SHISA6: variants seen among roughly 807,000 people sequenced by gnomAD.
SHISA6 encodes the protein shisa family member 6, also known as protein shisa-6.
SHISA6 carries 22 observed loss-of-function variants against 47.9 expected under a neutral mutation model. The ratio of observed to expected loss-of-function variants is 0.46; its 90% confidence interval spans 0.33 to 0.66. The LOEUF (loss-of-function observed/expected upper bound fraction) is 0.66. Among genes scored for constraint, SHISA6 ranks in the 30% least tolerant of loss-of-function variants. The pLI is 0.02. For missense variants in SHISA6, 680 were observed against 764.6 expected (o/e 0.89, Z 1.30); for synonymous variants, 388 against 337.8 (o/e 1.15, Z -1.63).
In SHISA6 at chr17:11,521,308, G is replaced by C. The variant is rs562915997; in HGVS notation, c.896-30588G>C. ...TTTAGTAAAATGTAGTATGTATTTGGTATCTTTTTCATAAATTCCCAATAT... is the reference window on the plus strand; with the variant it reads ...TTTAGTAAAATGTAGTATGTATTTGCTATCTTTTTCATAAATTCCCAATAT... On this transcript the variant is annotated intron_variant, in intron 3 of 5. Coordinates refer to ENST00000441885, the MANE Select transcript of SHISA6 (RefSeq NM_207386.4). 1.2e-3 allele frequency among the ~76,000 whole-genome samples: 190 copies of C among 152,178 alleles called. 1 individual carries two copies. The Middle Eastern group carries it at 0.021, about 16-fold the overall frequency.
At chr17:11,544,244 C>T (rs1244682272) in intron 3 of SHISA6, among the ~76,000 whole-genome samples, 1 of 151,992 alleles carries the variant, frequency 6.6e-6, no homozygotes, top group Non-Finnish European at 1.5e-5. Context: ...AACATTTGCT[C>T]TGCAAAAGAC....
At chr17:11,513,457 C>G (rs2071558366) in intron 3 of SHISA6, among the ~76,000 whole-genome samples, 1 of 152,136 alleles carries the variant, frequency 6.6e-6, no homozygotes, top group African/African-American at 2.4e-5. Context: ...CTATGAATTT[C>G]TGTGGAGAAA....
At chr17:11,268,618 C>T (rs371069247) in intron 2 of SHISA6, among the ~76,000 whole-genome samples, 2 of 152,188 alleles carry the variant, frequency 1.3e-5, no homozygotes, top group Admixed American at 6.5e-5. Context: ...TTACCATCTC[C>T]GGCTTTACTT....
chr17:11,255,170 C>T (rs1284462098), intron 1 of SHISA6, among the ~76,000 whole-genome samples: 1 of 152,206 alleles, frequency 6.6e-6, no homozygotes, highest in Non-Finnish European at 1.5e-5. Flanking sequence ...AGAAATATAA[C>T]TGAATGACAG....
chr17:11,301,724 AT>A (rs556924397), intron 2 of SHISA6, among the ~76,000 whole-genome samples: 23 of 152,138 alleles, frequency 1.5e-4, no homozygotes, highest in Non-Finnish European at 3.1e-4. Flanking sequence ...AGTCAATGTC[AT>A]GCCGGTAGAA....
At position 11,267,939 on chromosome 17, in the gene SHISA6, CCT is replaced by C. The variant is rs571329721; in HGVS notation, c.799+4414_799+4415del. ...TGCACCGTACCTAGCGTTGCAGTTC[CCT>C]GAGTCCAGCACCTTAGAGGCTTGCT... On this transcript the variant is annotated intron_variant, in intron 2 of 5. Transcript: ENST00000441885. Among the ~76,000 whole-genome samples, 371 of 152,202 alleles carry C rather than the reference CCT, an allele frequency of 2.4e-3. 2 individuals are homozygous for C. Among genetic ancestry groups the C allele is most frequent in the Middle Eastern group, 6.8e-3 (2 of 294 alleles).
rs554264092 is a variant in SHISA6, at chr17:11,429,870, A to C, written c.895+50361A>C. ...TCCCTCATAGGAATTGAAAAAAAAA[A>C]AAACAATAAACTTTAAACTTTATCT... On this transcript the variant is annotated intron_variant, in intron 3 of 5. Transcript: ENST00000441885. 1.3e-4 allele frequency among the ~76,000 whole-genome samples: 20 copies of C among 152,200 alleles called. No homozygotes were observed. In the South Asian group the frequency reaches 4.1e-3, roughly 32 times the overall value.
intron 3 of SHISA6, among the ~76,000 whole-genome samples, chr17:11,430,216 T>G (rs776639108): frequency 7.9e-5 from 12 of 152,210 alleles, no homozygotes; most frequent in Non-Finnish European, 1.5e-4. Context: ...TTGTTGAACG[T>G]TTCTGGTTCT....
intron 3 of SHISA6, among the ~76,000 whole-genome samples, chr17:11,481,364 G>A (rs201153299): frequency 0.12 from 15,624 of 133,404 alleles, 1,499 homozygotes; most frequent in African/African-American, 0.27. Flanking sequence ...GTGTGTGTGT[G>A]TGTATATATA....
rs533308603 is a variant in SHISA6 at position 11,344,294 on chromosome 17, G to C, written c.800-35120G>C. On this transcript the variant is annotated intron_variant, in intron 2 of 5. Transcript: ENST00000441885. Reference sequence around the variant, plus strand: ...AAGTTGTCTTTTAACTTTTCTGATGGTGTCCTTTGAAACAAAAACGTTTAA... The same window carrying C: ...AAGTTGTCTTTTAACTTTTCTGATGCTGTCCTTTGAAACAAAAACGTTTAA... 6.8e-4 allele frequency among the ~76,000 whole-genome samples: 103 copies of C among 152,068 alleles called. 2 individuals carry two copies. The South Asian group carries it at 0.021, about 31-fold the overall frequency.
At chr17:11,361,522 G>C (rs114712958) in intron 2 of SHISA6, among the ~76,000 whole-genome samples, 238 of 152,306 alleles carry the variant, frequency 1.6e-3, no homozygotes, top group African/African-American at 5.2e-3. Flanking sequence ...GTAACTCCAA[G>C]TGAGTGAAAA....
intron 3 of SHISA6, among the ~76,000 whole-genome samples, chr17:11,446,675 C>T (rs1177917085): frequency 6.6e-6 from 1 of 152,164 alleles, no homozygotes; most frequent in East Asian, 1.9e-4. Context: ...ACCTGGGAAA[C>T]CATTCATCCT....
In SHISA6 at chr17:11,563,265, A is replaced by C. The variant is rs1414732720; in HGVS notation, c.*4961A>C. On this transcript the variant is annotated 3_prime_UTR_variant, in exon 6 of 6. Transcript: ENST00000441885. ...ACCCACTCTGGAATATGTGTCCTGA[A>C]GACCAAGTCTGGACACTGAGGCTCC... 6.6e-6 allele frequency: 1 copy of C among 152,226 alleles called. No individual in the cohort carries two copies. Among genetic ancestry groups the C allele is most frequent in the East Asian group, 1.9e-4 (1 of 5,194 alleles). The allele number at this position is 152,226 out of a possible 1,614,324, so 9.4% of individuals were successfully genotyped here.
intron 3 of SHISA6, among the ~76,000 whole-genome samples, chr17:11,464,866 C>A (rs560020466): frequency 3.3e-5 from 5 of 151,558 alleles, no homozygotes; most frequent in East Asian, 3.9e-4. Flanking sequence ...TGCTTGAACC[C>A]AGGAGGCAGA....
Position 11,486,590 on chromosome 17 carries a change from T to C in SHISA6, c.896-65306T>C, listed in dbSNP as rs571993631. On this transcript the variant is annotated intron_variant, in intron 3 of 5. Transcript: ENST00000441885. The stretch of plus-strand genomic sequence containing the variant: ...AATGGGCGGTCAGAGACTTCAGCCC[T>C]GCGTTGGGCTGTGCATGTTATCCTT... 7.9e-5 allele frequency among the ~76,000 whole-genome samples: 12 copies of C among 152,316 alleles called. No homozygotes were observed. The East Asian group carries it at 2.3e-3, about 29-fold the overall frequency.
intron 2 of SHISA6, among the ~76,000 whole-genome samples, chr17:11,355,858 T>A (rs1912062682): frequency 6.6e-6 from 1 of 152,190 alleles, no homozygotes; most frequent in Non-Finnish European, 1.5e-5. Context: ...CCCATGATAA[T>A]CTGCCTAATG....
chr17:11,429,957 A>G (rs1383466627), intron 3 of SHISA6, among the ~76,000 whole-genome samples: 1 of 152,160 alleles, frequency 6.6e-6, no homozygotes, highest in Non-Finnish European at 1.5e-5. Context: ...GTTACCTACA[A>G]TCAGGTATTT....
intron 3 of SHISA6, among the ~76,000 whole-genome samples, chr17:11,386,477 A>AGATTATAACATAAGTTATAATCCTT (rs1272231505): frequency 6.6e-6 from 1 of 152,222 alleles, no homozygotes; most frequent in African/African-American, 2.4e-5. Context: ...TTAGAGTTTT[A>AGATTATAACATAAGTTATAATCCTT]ATGTTAAGGA....
chr17:11,315,637 C>T (rs1415662109), intron 2 of SHISA6, among the ~76,000 whole-genome samples: 2 of 152,084 alleles, frequency 1.3e-5, no homozygotes, highest in Non-Finnish European at 2.9e-5. Flanking sequence ...TTCTGCACTT[C>T]GAATGATCAT....
Sources: gnomAD v4.1 joint callset for allele counts (sites outside exome capture counted in the v4.1 genomes callset) on GRCh38, gnomAD v4.1.1 for gene constraint, MANE v1.5 for transcripts, NCBI Gene and HGNC (gene_info 2026-07-23, HGNC 2026-07-21) for gene names.